INPP4B: variants seen among roughly 807,000 people sequenced by gnomAD.
INPP4B encodes inositol polyphosphate-4-phosphatase type II B, also known as inositol polyphosphate 4-phosphatase type II.
Under a neutral mutation model 122.5 loss-of-function variants are expected in INPP4B, and 55 were observed. The ratio of observed to expected loss-of-function variants is 0.45; its 90% CI spans 0.36 to 0.56. INPP4B has a LOEUF of 0.56. Ranked by LOEUF, INPP4B falls within the 20% of genes least tolerant of loss-of-function variation. The pLI is 0.00. For synonymous variants in INPP4B, 403 were observed against 388.7 expected (o/e 1.04, Z -0.43); for missense variants, 1,000 against 1,097.7 (o/e 0.91, Z 1.26).
intron 2 of INPP4B, among the ~76,000 whole-genome samples, chr4:142,680,695 C>T (rs1277007876): frequency 6.6e-6 from 1 of 151,870 alleles, no homozygotes; most frequent in East Asian, 1.9e-4. Flanking sequence ...TATTGATTCA[C>T]CAAATACAGT....
chr4:142,130,433 A>G (rs1010285919), intron 18 of INPP4B, among the ~76,000 whole-genome samples: 1 of 152,156 alleles, frequency 6.6e-6, no homozygotes, highest in Non-Finnish European at 1.5e-5. Flanking sequence ...GTCTAGGTAT[A>G]GGCAGTCACC....
intron 7 of INPP4B, among the ~76,000 whole-genome samples, chr4:142,380,812 T>C (rs1412921441): frequency 6.6e-6 from 1 of 152,026 alleles, no homozygotes; most frequent in African/African-American, 2.4e-5. Flanking sequence ...CCTAAATACA[T>C]TTTTCATTAT....
intron 2 of INPP4B, among the ~76,000 whole-genome samples, chr4:142,472,556 A>C (rs1176021575): frequency 6.6e-6 from 1 of 152,206 alleles, no homozygotes; most frequent in Non-Finnish European, 1.5e-5. Flanking sequence ...TCTCCAATAT[A>C]TGAATATTCT....
intron 18 of INPP4B, among the ~76,000 whole-genome samples, chr4:142,125,690 C>A (rs1170790175): frequency 6.6e-6 from 1 of 152,018 alleles, no homozygotes; most frequent in Admixed American, 6.6e-5. Context: ...TTCCCTATTC[C>A]ATGAAGATTG....
intron 2 of INPP4B, among the ~76,000 whole-genome samples, chr4:142,497,987 A>G (rs566815262): frequency 9.2e-5 from 14 of 152,236 alleles, no homozygotes; most frequent in African/African-American, 2.9e-4. Flanking sequence ...ATGAAAAGAA[A>G]AAACTGCAGT....
intron 7 of INPP4B, among the ~76,000 whole-genome samples, chr4:142,337,756 A>ATATATATTATATATAT (rs1434735659): frequency 2.3e-5 from 3 of 128,932 alleles, no homozygotes; most frequent in Non-Finnish European, 4.9e-5. Context: ...TATATATTTT[A>ATATATATTATATATAT]TATATATTTT....
intron 7 of INPP4B, among the ~76,000 whole-genome samples, chr4:142,320,463 G>A (rs1417145997): frequency 1.3e-5 from 2 of 152,076 alleles, no homozygotes; most frequent in Admixed American, 1.3e-4. Flanking sequence ...AAATTTGGAT[G>A]TTTACATTTG....
At chr4:142,616,545 C>A (rs1470677035) in intron 2 of INPP4B, among the ~76,000 whole-genome samples, 3 of 152,032 alleles carry the variant, frequency 2.0e-5, no homozygotes. Context: ...TTTTTGTACC[C>A]CAACACTTCT....
chr4:142,077,146 C>T (rs1416172892), intron 25 of INPP4B, among the ~76,000 whole-genome samples: 1 of 151,882 alleles, frequency 6.6e-6, no homozygotes, highest in East Asian at 1.9e-4. Flanking sequence ...GGCCAATGGG[C>T]CTTTTAAGTC....
chr4:142,604,573 C>A (rs1422875854), intron 2 of INPP4B, among the ~76,000 whole-genome samples: 1 of 151,968 alleles, frequency 6.6e-6, no homozygotes, highest in East Asian at 1.9e-4. Flanking sequence ...TGTTTCTATA[C>A]ACCAATACTG....
At chr4:142,461,317 A>T (rs1816687186) in intron 3 of INPP4B, among the ~76,000 whole-genome samples, 1 of 152,240 alleles carries the variant, frequency 6.6e-6, no homozygotes, top group African/African-American at 2.4e-5. Context: ...ATCAAAGAGA[A>T]TAAGCATTTT....
intron 21 of INPP4B, among the ~76,000 whole-genome samples, chr4:142,120,607 C>A (rs1258990462): frequency 6.6e-6 from 1 of 152,024 alleles, no homozygotes; most frequent in Non-Finnish European, 1.5e-5. Context: ...TCTAAACCAC[C>A]ATTTCTGACA....
intron 15 of INPP4B, among the ~76,000 whole-genome samples, chr4:142,174,029 G>A (rs1826824216): frequency 6.6e-6 from 1 of 152,002 alleles, no homozygotes; most frequent in African/African-American, 2.4e-5. Flanking sequence ...ACACTGGGAA[G>A]ATTAACACTA....
At chr4:142,779,493 T>C (rs1236984499) in intron 1 of INPP4B, among the ~76,000 whole-genome samples, 5 of 152,120 alleles carry the variant, frequency 3.3e-5, no homozygotes, top group Admixed American at 3.3e-4. Context: ...TACTATCTTA[T>C]CAGAAAGTTT....
chr4:142,289,320 T>C (rs1755320720), intron 9 of INPP4B, among the ~76,000 whole-genome samples: 1 of 152,226 alleles, frequency 6.6e-6, no homozygotes, highest in Non-Finnish European at 1.5e-5. Flanking sequence ...TCTTACAAAC[T>C]TAACTCATCT....
intron 2 of INPP4B, among the ~76,000 whole-genome samples, chr4:142,694,934 G>T (rs921065874): frequency 6.6e-6 from 1 of 151,972 alleles, no homozygotes; most frequent in African/African-American, 2.4e-5. Context: ...CCACTTTCTG[G>T]TTTAAAAACC....
chr4:142,830,106 C>T (rs569044141), intron 1 of INPP4B, among the ~76,000 whole-genome samples: 4 of 152,070 alleles, frequency 2.6e-5, no homozygotes, highest in Non-Finnish European at 5.9e-5. Context: ...TTATCATCAA[C>T]ATTACAAGAG....
Position 142,405,258 on chromosome 4 carries a change from A to C in INPP4B, c.203T>G (p.Ile68Ser). The change falls in exon 6 of 26, where the codon ATC becomes AGC. Residue 68 changes from isoleucine (I) to serine (S), a missense_variant. Transcript: ENST00000262992. ...KLNTLVQISVIHPVEQSLTRY... is the reference protein window; with the variant it reads ...KLNTLVQISVSHPVEQSLTRY... ...TGTCAGACTCTGCTCCACGGGGTGG[A>C]TTACGGAGATCTGCACCAGTGTATT... 2 of 1,613,848 alleles carry C rather than the reference A, an allele frequency of 1.2e-6. No individual in the cohort carries two copies. Among genetic ancestry groups the C allele is most frequent in the Non-Finnish European group, 1.7e-6 (2 of 1,179,864 alleles).
chr4:142,388,121 T>A (rs1198174968), intron 7 of INPP4B, among the ~76,000 whole-genome samples: 2 of 152,224 alleles, frequency 1.3e-5, no homozygotes, highest in Non-Finnish European at 2.9e-5. Flanking sequence ...TTATAAAAAC[T>A]GCTTACCACC....
Sources: allele counts gnomAD v4.1 joint callset (sites outside exome capture counted in the v4.1 genomes callset), GRCh38; gene constraint gnomAD v4.1.1; transcripts MANE v1.5; gene names NCBI Gene and HGNC (gene_info 2026-07-23, HGNC 2026-07-21).